GABBR1: variants seen among roughly 807,000 people sequenced by gnomAD.
GABBR1 encodes the protein gamma-aminobutyric acid type B receptor subunit 1.
Under a neutral mutation model 117.7 loss-of-function variants are expected in GABBR1, and 35 were observed. That is an observed-to-expected ratio of 0.30 (90% CI 0.23 to 0.39). The LOEUF is 0.39. Ranked by LOEUF, GABBR1 falls within the 10% of genes least tolerant of loss-of-function variation. GABBR1 has a pLI of 1.00. For synonymous variants in GABBR1, 442 were observed against 486.6 expected (o/e 0.91, Z 1.21); for missense variants, 709 against 1,241.8 (o/e 0.57, Z 6.45).
In GABBR1 at chr6:29,609,431, A is replaced by C; in HGVS notation, c.1709-52T>G. On this transcript the variant is annotated intron_variant, in intron 14 of 22. Transcript: ENST00000377034. The surrounding 1 kb of genome is among the most constrained non-coding windows in gnomAD (Gnocchi z 4.3). ...GAAGGGAAAAGAGAAGGGAAGGAGG[A>C]CAAAGGAATGAAGACGGGATAGGAG... 6 of 1,519,924 alleles carry C rather than the reference A, an allele frequency of 3.9e-6. No individual in the cohort carries two copies. Among genetic ancestry groups the C allele is most frequent in the Non-Finnish European group, 5.5e-6 (6 of 1,099,158 alleles). 94.2% of individuals were successfully genotyped at this position (1,519,924 alleles called of 1,614,324 possible).
In GABBR1 at chr6:29,615,311, A is replaced by G. The variant is rs1582979000; in HGVS notation, c.1324-1826T>C. Among the ~76,000 whole-genome samples, 8 of 146,730 alleles carry G rather than the reference A, an allele frequency of 5.5e-5. No homozygotes were observed. In the South Asian group the frequency reaches 1.5e-3, roughly 28 times the overall value. On this transcript the variant is annotated intron_variant, in intron 11 of 22. Transcript: ENST00000377034. ...CGTCTCAAAAAAAAAAAAAAAAGGC[A>G]TTATAAAAAACAAGTCAGGCTGGGC...
rs574539713 is a variant in GABBR1 at position 29,621,396 on chromosome 6, T to G, written c.1132-104A>C. On this transcript the variant is annotated intron_variant, in intron 10 of 22. Transcript: ENST00000377034. This position sits in a 1 kb window ranked among gnomAD's most constrained non-coding sequence, Gnocchi z 5.0. ...CCTCTTGGGAATCAGGGAAGAGCAG[T>G]AGAACTAAAAAGAGAAATCTACAAG... 1 of 887,214 alleles carries G rather than the reference T, an allele frequency of 1.1e-6. No individual in the cohort carries two copies. The highest frequency in any genetic ancestry group is 1.7e-5 in the African/African-American group (1 of 59,144). 55.0% of individuals were successfully genotyped at this position (887,214 alleles called of 1,614,324 possible). A position where few individuals can be genotyped will look rare whatever the true frequency, so the allele number is the denominator to read the frequency against.
At position 29,621,653 on chromosome 6, in the gene GABBR1, T is replaced by C; in HGVS notation, c.1131+99A>G. 1 of 1,027,422 alleles carries C rather than the reference T, an allele frequency of 9.7e-7. No homozygotes were observed. Among genetic ancestry groups the C allele is most frequent in the Non-Finnish European group, 1.5e-6 (1 of 651,108 alleles). The allele number at this position is 1,027,422 out of a possible 1,614,324, so 63.6% of individuals were successfully genotyped here. On this transcript the variant is annotated intron_variant, in intron 10 of 22. Coordinates refer to ENST00000377034, the MANE Select transcript of GABBR1 (RefSeq NM_001470.4). This position sits in a 1 kb window ranked among gnomAD's most constrained non-coding sequence, Gnocchi z 5.0. ...TCCTATGAATCGTCACCTCAGATCA[T>C]ATGCTATCAACTCAGGCACAGATGC...
In GABBR1 at chr6:29,609,149, G is replaced by A. The variant is rs1242250142; in HGVS notation, c.1859+80C>T. Reference sequence around the variant, plus strand: ...GATACATGGCCATGGGAGTTACACAGGTTTTATTCTCATCCTGTCCAGGAA... The same window carrying A: ...GATACATGGCCATGGGAGTTACACAAGTTTTATTCTCATCCTGTCCAGGAA... On this transcript the variant is annotated intron_variant, in intron 15 of 22. Transcript: ENST00000377034. This position sits in a 1 kb window ranked among gnomAD's most constrained non-coding sequence, Gnocchi z 4.3. 1.4e-6 allele frequency: 2 copies of A among 1,404,548 alleles called. No homozygotes were observed. The highest frequency in any genetic ancestry group is 9.9e-7 in the Non-Finnish European group (1 of 1,005,090). 87.0% of individuals were successfully genotyped at this position (1,404,548 alleles called of 1,614,324 possible). A position where few individuals can be genotyped will look rare whatever the true frequency, so the allele number is the denominator to read the frequency against.
chr6:29,628,235 G>T (rs971044323), intron 5 of GABBR1: 3 of 949,792 alleles, frequency 3.2e-6, no homozygotes, highest in Admixed American at 1.3e-4. Context: ...AACGAAAGAG[G>T]AAGGGAGGGA....
In GABBR1 at chr6:29,631,745, G is replaced by A; in HGVS notation, c.86-146C>T. 1.5e-6 allele frequency: 1 copy of A among 684,762 alleles called. No individual in the cohort carries two copies. Among genetic ancestry groups the A allele is most frequent in the Non-Finnish European group, 2.6e-6 (1 of 391,562 alleles). 42.4% of individuals were successfully genotyped at this position (684,762 alleles called of 1,614,324 possible). On this transcript the variant is annotated intron_variant, in intron 2 of 22. Coordinates refer to ENST00000377034, the MANE Select transcript of GABBR1 (RefSeq NM_001470.4). The surrounding 1 kb of genome is among the most constrained non-coding windows in gnomAD (Gnocchi z 5.9). ...AGAGGGATGGGGCACTAGAGGGTGG[G>A]AGTGGGGACAGGTACAGATCCCCTG...
In GABBR1 at chr6:29,613,524, G is replaced by T; in HGVS notation, c.1324-39C>A. 1 of 1,598,216 alleles carries T rather than the reference G, an allele frequency of 6.3e-7. No homozygotes were observed. Among genetic ancestry groups the T allele is most frequent in the Non-Finnish European group, 8.5e-7 (1 of 1,170,310 alleles). ...AATCATGAGGAAAGAACTGAAATGTGTGTGGGTGTGGGGGAAGGGGTGCAA... is the reference window on the plus strand; with the variant it reads ...AATCATGAGGAAAGAACTGAAATGTTTGTGGGTGTGGGGGAAGGGGTGCAA... On this transcript the variant is annotated intron_variant, in intron 11 of 22. Transcript: ENST00000377034. The surrounding 1 kb of genome is among the most constrained non-coding windows in gnomAD (Gnocchi z 4.1).
chr6:29,603,968 A>G lies in GABBR1; in HGVS notation c.2713-252T>C, dbSNP rs182062647. Among the ~76,000 whole-genome samples the G allele has an allele frequency of 2.0e-5, 3 of 152,272 alleles. No individual in the cohort carries two copies. In the East Asian group the frequency reaches 5.8e-4, roughly 29 times the overall value. On this transcript the variant is annotated intron_variant, in intron 22 of 22. Transcript: ENST00000377034. ...AAGAGAGAATTTAAAAACAAAAGGA[A>G]AAAGTGGGGAAGGAGAGAAAAGTCA...
chr6:29,613,446 T>C lies in GABBR1; in HGVS notation c.1363A>G (p.Lys455Glu). Reference sequence around the variant, plus strand: ...CCTCCTGTCTCCTCAGGGTGTCTTTTCAGTCGCTTGGTTAGTTTCTCCACA... The same window carrying C: ...CCTCCTGTCTCCTCAGGGTGTCTTTCCAGTCGCTTGGTTAGTTTCTCCACA... ...EFVEKLTKRL[K>E]RHPEETGGFQ... The change falls in exon 12 of 23, where the codon AAA becomes GAA. Residue 455 changes from lysine (K) to glutamate (E), a missense_variant. Lys to Glu is a moderately conservative substitution (Grantham distance 56, BLOSUM62 1). Coordinates refer to ENST00000377034, the MANE Select transcript of GABBR1 (RefSeq NM_001470.4). This position sits in a 1 kb window ranked among gnomAD's most constrained non-coding sequence, Gnocchi z 4.1. 1 of 1,613,118 alleles carries C rather than the reference T, an allele frequency of 6.2e-7. No individual in the cohort carries two copies. Among genetic ancestry groups the C allele is most frequent in the Non-Finnish European group, 8.5e-7 (1 of 1,180,030 alleles).
Position 29,602,962 on chromosome 6 carries a change from C to T in GABBR1, c.*581G>A, listed in dbSNP as rs1411960661. The T allele has an allele frequency of 8.8e-6, 4 of 455,542 alleles. No homozygotes were observed. Among genetic ancestry groups the T allele is most frequent in the Non-Finnish European group, 1.8e-5 (4 of 226,406 alleles). 28.2% of individuals were successfully genotyped at this position (455,542 alleles called of 1,614,324 possible). A position where few individuals can be genotyped will look rare whatever the true frequency, so the allele number is the denominator to read the frequency against. ...GAGGGGAGGATGCATGTGTGCTGAG[C>T]GTGAGTGCACAGAGCAGAGGCAAGG... On this transcript the variant is annotated 3_prime_UTR_variant, in exon 23 of 23. Transcript: ENST00000377034.
Position 29,609,518 on chromosome 6 carries a change from T to A in GABBR1, c.1709-139A>T, listed in dbSNP as rs1762315309. ...GTCATTGGCTGGGGACATGAGGCCC[T>A]AACTGCACTGGACAGAGGTTACTGC... On this transcript the variant is annotated intron_variant, in intron 14 of 22. Coordinates refer to ENST00000377034, the MANE Select transcript of GABBR1 (RefSeq NM_001470.4). This position sits in a 1 kb window ranked among gnomAD's most constrained non-coding sequence, Gnocchi z 4.3. 1.4e-6 allele frequency: 1 copy of A among 715,932 alleles called. No individual in the cohort carries two copies. 44.3% of individuals were successfully genotyped at this position (715,932 alleles called of 1,614,324 possible).
At position 29,603,662 on chromosome 6, in the gene GABBR1, G is replaced by T. The variant is rs772112428; in HGVS notation, c.2767C>A (p.Arg923Ser). 11 of 1,516,364 alleles carry T rather than the reference G, an allele frequency of 7.3e-6. No individual in the cohort carries two copies. The highest frequency in any genetic ancestry group is 8.8e-6 in the Non-Finnish European group (10 of 1,136,330). The allele number at this position is 1,516,364 out of a possible 1,614,324, so 93.9% of individuals were successfully genotyped here. Reference sequence around the variant, plus strand: ...GGTGTCGGTGGGTGGCGCCGGGAGCGGAGCTGCTGCCGAGACTGGAGTTGA... The same window carrying T: ...GGTGTCGGTGGGTGGCGCCGGGAGCTGAGCTGCTGCCGAGACTGGAGTTGA... ...RHQLQSRQQLRSRRHPPTPPE... is the reference protein window; with the variant it reads ...RHQLQSRQQLSSRRHPPTPPE... The change falls in exon 23 of 23, where the codon CGC becomes AGC. Residue 923 changes from arginine (R) to serine (S), a missense_variant. Transcript: ENST00000377034.
In GABBR1 at chr6:29,607,113, CCTT is replaced by C. The variant is rs780478151; in HGVS notation, c.2095_2097del (p.Lys699del). 1.9e-6 allele frequency: 3 copies of C among 1,614,106 alleles called. No homozygotes were observed. The highest frequency in any genetic ancestry group is 2.2e-5 in the East Asian group (1 of 44,874). ...GGGCAGCAGCTCACCTTCCTCCACT[CCTT>C]CTTTTCTTCCTTCTTTGTGAAGACC... On this transcript the variant is annotated inframe_deletion, in exon 17 of 23. Coordinates refer to ENST00000377034, the MANE Select transcript of GABBR1 (RefSeq NM_001470.4). The surrounding 1 kb of genome is among the most constrained non-coding windows in gnomAD (Gnocchi z 5.0).
chr6:29,612,838 G>GA (rs1412646756), intron 12 of GABBR1, among the ~76,000 whole-genome samples: 2 of 152,174 alleles, frequency 1.3e-5, no homozygotes, highest in Non-Finnish European at 2.9e-5. Flanking sequence ...ATTTGAATGG[G>GA]AAAAAATCCC....
At chr6:29,628,037 A>G in intron 5 of GABBR1, 2 of 1,098,258 alleles carry the variant, frequency 1.8e-6, no homozygotes, top group Non-Finnish European at 2.2e-6. Context: ...GAGGAGGAGG[A>G]GCAGGAGGGA....
At position 29,602,898 on chromosome 6, in the gene GABBR1, G is replaced by GT; in HGVS notation, c.*644dup. The GT allele has an allele frequency of 2.5e-6, 1 of 406,208 alleles. No homozygotes were observed. The highest frequency in any genetic ancestry group is 4.9e-6 in the Non-Finnish European group (1 of 205,200). 25.2% of individuals were successfully genotyped at this position (406,208 alleles called of 1,614,324 possible). ...CATGAAGAAAGCATACGGGAAAAGC[G>GT]TGTGTACACATGAGCATGTTCAGTG... On this transcript the variant is annotated 3_prime_UTR_variant, in exon 23 of 23. Coordinates refer to ENST00000377034, the MANE Select transcript of GABBR1 (RefSeq NM_001470.4).
Position 29,608,609 on chromosome 6 carries a change from C to A in GABBR1, c.1984G>T (p.Val662Phe). Reference protein sequence around the residue: ...YHIGRNQFPFVCQARLWLLGL... With the variant: ...YHIGRNQFPFFCQARLWLLGL... ...GCCCACCACCTCCTCACCTGGCAGA[C>A]GAAAGGAAACTGGTTCCTCCCAATG... Residue 662 changes from valine (V) to phenylalanine (F), a missense_variant, in exon 16 of 23, where the codon GTC becomes TTC. By Grantham distance (50) the Val-to-Phe change is conservative. Coordinates refer to ENST00000377034, the MANE Select transcript of GABBR1 (RefSeq NM_001470.4). The A allele has an allele frequency of 6.2e-7, 1 of 1,612,524 alleles. No homozygotes were observed. Among genetic ancestry groups the A allele is most frequent in the Non-Finnish European group, 8.5e-7 (1 of 1,179,780 alleles).
rs1428744378 is a variant in GABBR1 at position 29,631,371 on chromosome 6, G to C, written c.289+25C>G. 6.2e-7 allele frequency: 1 copy of C among 1,609,090 alleles called. No homozygotes were observed. Among genetic ancestry groups the C allele is most frequent in the Non-Finnish European group, 8.5e-7 (1 of 1,175,906 alleles). On this transcript the variant is annotated intron_variant, in intron 3 of 22. Coordinates refer to ENST00000377034, the MANE Select transcript of GABBR1 (RefSeq NM_001470.4). This position sits in a 1 kb window ranked among gnomAD's most constrained non-coding sequence, Gnocchi z 5.9. ...CAGGAAAAGGAATAGTCTTGAAGAG[G>C]GGAGGGGCTTCCGAGGCTACTCACC...
chr6:29,629,203 G>A, intron 4 of GABBR1, 96 bp from the exon 5 acceptor site: 2 of 1,382,494 alleles, frequency 1.4e-6, no homozygotes, highest in Non-Finnish European at 2.0e-6. Context: ...TGTCCATGCT[G>A]AAGACCGGGG....
Sources: allele counts gnomAD v4.1 joint callset (sites outside exome capture counted in the v4.1 genomes callset), GRCh38; gene constraint gnomAD v4.1.1; non-coding constraint Gnocchi (gnomAD v3.1); transcripts MANE v1.5; gene names NCBI Gene and HGNC (gene_info 2026-07-23, HGNC 2026-07-21).